CD96: variants seen among roughly 807,000 people sequenced by gnomAD.
CD96 encodes T-cell surface protein tactile.
A neutral mutation model predicts 71.3 loss-of-function variants in CD96; 70 were observed. That is an observed-to-expected ratio of 0.98 (90% CI 0.81 to 1.20). The LOEUF (loss-of-function observed/expected upper bound fraction) is 1.20. Among genes scored for constraint, CD96 ranks in the 50% most tolerant of loss-of-function variants. CD96 has a pLI of 0.00. For missense variants in CD96, 742 were observed against 677.5 expected (o/e 1.10, Z -1.06); for synonymous variants, 248 against 233.0 (o/e 1.06, Z -0.59).
In CD96 at chr3:111,600,792, C is replaced by CAAGGGTA. The variant is rs1559748718; in HGVS notation, c.966_972dup (p.His325LysfsTer4). ...TTTTTGGAACTGAAGTCTGTTTTAA[C>CAAGGGTA]AAGGGTACATAGTAATAAACCAGCC... is the stretch of plus-strand genomic sequence containing the variant. On this transcript the variant is annotated frameshift_variant, in exon 7 of 14. Transcript: ENST00000352690. LOFTEE classifies it high-confidence loss of function. 1.9e-6 allele frequency: 3 copies of CAAGGGTA among 1,613,122 alleles called. No individual in the cohort carries two copies. Among genetic ancestry groups the CAAGGGTA allele is most frequent in the African/African-American group, 2.7e-5 (2 of 74,916 alleles).
At chr3:111,551,286 A>G (rs557493795) in intron 2 of CD96, among the ~76,000 whole-genome samples, 2 of 152,324 alleles carry the variant, frequency 1.3e-5, no homozygotes, top group African/African-American at 4.8e-5. Context: ...CAATTAATGA[A>G]GATGACAGTG....
chr3:111,645,109 C>T (rs1393290416), intron 12 of CD96, among the ~76,000 whole-genome samples: 2 of 152,096 alleles, frequency 1.3e-5, no homozygotes, highest in African/African-American at 2.4e-5. Flanking sequence ...GTGGAACCAA[C>T]CCAAATGCCC....
At chr3:111,600,676 G>C (rs1306940923) in intron 6 of CD96, 50 bp from the exon 7 acceptor site, 1 of 1,330,216 alleles carries the variant, frequency 7.5e-7, no homozygotes, top group Admixed American at 1.7e-5. Context: ...TTATTGTATG[G>C]CTCATACATA....
chr3:111,615,988 T>G (rs933855536), intron 8 of CD96, among the ~76,000 whole-genome samples: 5 of 152,170 alleles, frequency 3.3e-5, no homozygotes, highest in Non-Finnish European at 5.9e-5. Flanking sequence ...CACCCTCATC[T>G]TCTCGAAATT....
chr3:111,617,923 C>T lies in CD96; in HGVS notation c.1181-5831C>T, dbSNP rs560075638. On this transcript the variant is annotated intron_variant, in intron 8 of 13. Coordinates refer to ENST00000352690, the MANE Select transcript of CD96 (RefSeq NM_005816.5). ...CTGTAAAACCCTCTTTGGAGCTCTA[C>T]AGTTCCTGGCATCTCCAAGCTTTCT... 1.4e-3 allele frequency among the ~76,000 whole-genome samples: 212 copies of T among 152,334 alleles called. 1 individual carries two copies. The highest frequency in any genetic ancestry group is 3.4e-3 in the Middle Eastern group (1 of 294).
downstream of CD96, among the ~76,000 whole-genome samples, chr3:111,654,139 G>C (rs994444946): frequency 6.6e-6 from 1 of 152,182 alleles, no homozygotes; most frequent in Non-Finnish European, 1.5e-5. Context: ...TGTTCTCTCT[G>C]AGACGAGGGC....
chr3:111,586,754 A>G (rs771572200), intron 5 of CD96, among the ~76,000 whole-genome samples: 7 of 152,150 alleles, frequency 4.6e-5, no homozygotes, highest in Non-Finnish European at 7.4e-5. Context: ...AGCACAGGAA[A>G]GTCCCCATGC....
chr3:111,593,338 C>CG (rs1213497327), intron 5 of CD96: 1 of 482,014 alleles, frequency 2.1e-6, no homozygotes, highest in East Asian at 3.3e-5. Context: ...TTTAGAGTTT[C>CG]GGCCAAGGGT....
chr3:111,606,986 C>T (rs1937650872), intron 8 of CD96, 194 bp downstream of exon 8: 3 of 639,726 alleles, frequency 4.7e-6, no homozygotes, highest in Non-Finnish European at 8.5e-6. Flanking sequence ...AATGTATGAT[C>T]TAATGGTTTT....
chr3:111,609,061 A>AAAATGATTAAGGAT, intron 8 of CD96, among the ~76,000 whole-genome samples: 2 of 152,322 alleles, frequency 1.3e-5, no homozygotes, highest in Admixed American at 1.3e-4. Context: ...GAGATGAAAT[A>AAAATGATTAAGGAT]ACTTGACCTT....
intron 5 of CD96, 82 bp from the exon 6 acceptor site, chr3:111,598,038 A>G (rs546958796): frequency 2.7e-5 from 17 of 628,016 alleles, no homozygotes; most frequent in South Asian, 2.0e-4. Context: ...TTTTTTGCCA[A>G]CTTATATGAA....
intron 3 of CD96, chr3:111,570,560 C>T (rs1360294807): frequency 7.3e-7 from 1 of 1,371,054 alleles, no homozygotes; most frequent in Non-Finnish European, 1.0e-6. Context: ...GGCCAGACAT[C>T]AGGGGGCACT....
At chr3:111,633,710 A>T (rs1242984574) in intron 10 of CD96, 1 of 152,756 alleles carries the variant, frequency 6.5e-6, no homozygotes, top group Non-Finnish European at 1.5e-5. Context: ...ACATGGCAAA[A>T]CTGGGCACAG....
intron 1 of CD96, among the ~76,000 whole-genome samples, chr3:111,542,700 A>G (rs1455238677): frequency 6.6e-6 from 1 of 152,208 alleles, no homozygotes; most frequent in African/African-American, 2.4e-5. Flanking sequence ...TCCTTGTTTA[A>G]CTTTTTTCTC....
At chr3:111,544,789 T>A (rs1295887496) in intron 1 of CD96, among the ~76,000 whole-genome samples, 1 of 152,230 alleles carries the variant, frequency 6.6e-6, no homozygotes, top group Non-Finnish European at 1.5e-5. Context: ...TTCAATTATA[T>A]TTTGGTCAGA....
chr3:111,619,033 A>C, intron 8 of CD96, among the ~76,000 whole-genome samples: 1 of 152,184 alleles, frequency 6.6e-6, no homozygotes, highest in East Asian at 1.9e-4. Flanking sequence ...AAAGTTAATC[A>C]ACCATAGGTC....
chr3:111,624,274 C>A, intron 9 of CD96, 59 bp from the exon 10 acceptor site: 1 of 1,155,786 alleles, frequency 8.7e-7, no homozygotes, highest in Non-Finnish European at 1.3e-6. Flanking sequence ...TGCATCAAAG[C>A]AAAGTTAAAT....
chr3:111,634,250 C>A (rs1216947755), intron 10 of CD96: 1 of 152,100 alleles, frequency 6.6e-6, no homozygotes, highest in Non-Finnish European at 1.5e-5. Context: ...AAGAGAAGTA[C>A]CCATTTATGG....
chr3:111,606,959 T>A, intron 8 of CD96, 167 bp downstream of exon 8: 1 of 677,776 alleles, frequency 1.5e-6, no homozygotes, highest in Non-Finnish European at 2.7e-6. Context: ...TCACGTCACA[T>A]TAACTTGCCC....
Sources: allele counts gnomAD v4.1 joint callset (sites outside exome capture counted in the v4.1 genomes callset), GRCh38; gene constraint gnomAD v4.1.1; transcripts MANE v1.5; gene names NCBI Gene and HGNC (gene_info 2026-07-23, HGNC 2026-07-21).